SPG11: variants seen among roughly 807,000 people sequenced by gnomAD.
The protein encoded by SPG11 is SPG11 vesicle trafficking associated, spatacsin, also known as spatacsin.
In SPG11, 222 loss-of-function variants were observed where a neutral mutation model predicts 274.0. The observed-to-expected ratio is 0.81, with a 90% CI of 0.73 to 0.91. SPG11 has a LOEUF of 0.91. SPG11 is among the 40% of genes least tolerant of loss of function. The probability of loss-of-function intolerance (pLI) is 0.00; values close to 1 mark genes in which losing one functional copy is unlikely to be tolerated. For missense variants in SPG11, 3,114 were observed against 2,872.7 expected, an observed-to-expected ratio of 1.08 and a Z score of -1.92; for synonymous variants, 1,144 against 1,039.7, an observed-to-expected ratio of 1.10 and a Z score of -1.93.
At chr15:44,611,092 A>T (rs2083448684) in intron 17 of SPG11, 107 bp from the exon 18 acceptor site, 4 of 61,550 alleles carry the variant, frequency 6.5e-5, no homozygotes, top group Non-Finnish European at 1.1e-4. Context: ...TATCCCCAGT[A>T]AAAAAAAAAA....
At chr15:44,603,200 A>T (rs978081501) in intron 20 of SPG11, among the ~76,000 whole-genome samples, 9 of 152,000 alleles carry the variant, frequency 5.9e-5, no homozygotes, top group South Asian at 2.1e-4. Context: ...AGGCACACAC[A>T]ACTATGCCTG....
At chr15:44,594,241 A>G (rs1472943411) in intron 26 of SPG11, among the ~76,000 whole-genome samples, 3 of 151,210 alleles carry the variant, frequency 2.0e-5, no homozygotes, top group African/African-American at 4.9e-5. Flanking sequence ...CCTGGCCAAC[A>G]TGGTGAAACC....
intron 7 of SPG11, among the ~76,000 whole-genome samples, chr15:44,643,621 G>C (rs2084521035): frequency 6.6e-6 from 1 of 151,998 alleles, no homozygotes; most frequent in African/African-American, 2.4e-5. Context: ...ATTAGGCAAT[G>C]CTTTCTCAGA....
chr15:44,651,638 C>T lies in SPG11; in HGVS notation c.1309G>A (p.Ala437Thr). ...CTTTCCACTTCCCAAGTAAACAGTG[C>T]AGTGAATCCTGTCACAGACACACAT... ...LKCVSVTGFT[A>T]LFTWEVERMG... The change falls in exon 6 of 40, where the codon GCA becomes ACA. Residue 437 changes from alanine (A) to threonine (T), a missense_variant. Ala to Thr is a moderately conservative substitution (Grantham distance 58, BLOSUM62 0). Coordinates refer to ENST00000261866, the MANE Select transcript of SPG11 (RefSeq NM_025137.4). 1 of 1,614,226 alleles carries T rather than the reference C, an allele frequency of 6.2e-7. No individual in the cohort carries two copies. Among genetic ancestry groups the T allele is most frequent in the Non-Finnish European group, 8.5e-7 (1 of 1,180,038 alleles).
rs35831490 is a variant in SPG11 at position 44,611,091 on chromosome 15, T to TAAAAAAAAAAAAAAAAAAAAAAAAA, written c.3146-131_3146-107dup. 4.3e-5 allele frequency: 3 copies of TAAAAAAAAAAAAAAAAAAAAAAAAA among 70,098 alleles called. 1 individual carries two copies. Among genetic ancestry groups the TAAAAAAAAAAAAAAAAAAAAAAAAA allele is most frequent in the African/African-American group, 6.8e-5 (1 of 14,738 alleles). The allele number at this position is 70,098 out of a possible 1,614,324, so 4.3% of individuals were successfully genotyped here. On this transcript the variant is annotated intron_variant, in intron 17 of 39. Transcript: ENST00000261866. ...CATAAATTTTTAACTCTATCCCCAG[T>TAAAAAAAAAAAAAAAAAAAAAAAAA]AAAAAAAAAAAAAAAAAAAAAAAAA... is the stretch of plus-strand genomic sequence containing the variant.
intron 28 of SPG11, among the ~76,000 whole-genome samples, chr15:44,586,371 C>T (rs187000873): frequency 2.0e-5 from 3 of 152,108 alleles, no homozygotes; most frequent in Non-Finnish European, 4.4e-5. Context: ...AATGGCTAGG[C>T]GTAGTGGCTC....
At chr15:44,572,213 A>G (rs2082438381) in intron 33 of SPG11, among the ~76,000 whole-genome samples, 1 of 152,270 alleles carries the variant, frequency 6.6e-6, no homozygotes, top group African/African-American at 2.4e-5. Context: ...TAAAAAAATT[A>G]TAAACTATAC....
rs2140946907 is a variant in SPG11 at position 44,584,188 on chromosome 15, T to C, written c.5492A>G (p.Glu1831Gly). Residue 1831 changes from glutamate (E) to glycine (G), a missense_variant, in exon 30 of 40, where the codon GAA becomes GGA. Transcript: ENST00000261866. ...RFSRQISTSG[E>G]LSFDSLASEF... ...ACTGGCTAAACTATCAAAGGAAAGTTCACCACTAGTTGAGATCTGTCGAGA... is the reference window on the plus strand; with the variant it reads ...ACTGGCTAAACTATCAAAGGAAAGTCCACCACTAGTTGAGATCTGTCGAGA... 1 of 1,614,204 alleles carries C rather than the reference T, an allele frequency of 6.2e-7. No homozygotes were observed.
chr15:44,572,178 T>C (rs936108629), intron 33 of SPG11, among the ~76,000 whole-genome samples: 2 of 152,194 alleles, frequency 1.3e-5, no homozygotes, highest in East Asian at 3.8e-4. Flanking sequence ...CCATGAAAAA[T>C]GTTAATGACA....
intron 33 of SPG11, among the ~76,000 whole-genome samples, chr15:44,571,908 C>T (rs1279232936): frequency 6.6e-6 from 1 of 152,220 alleles, no homozygotes; most frequent in African/African-American, 2.4e-5. Flanking sequence ...CCTCCCACCT[C>T]AGCCTCTCAA....
intron 7 of SPG11, among the ~76,000 whole-genome samples, chr15:44,639,569 G>A (rs1333570565): frequency 6.6e-6 from 1 of 151,992 alleles, no homozygotes; most frequent in African/African-American, 2.4e-5. Context: ...TGGGTGTGGT[G>A]GTGTGCAACC....
At chr15:44,643,940 G>C (rs1013971036) in intron 7 of SPG11, among the ~76,000 whole-genome samples, 1 of 152,004 alleles carries the variant, frequency 6.6e-6, no homozygotes, top group Non-Finnish European at 1.5e-5. Flanking sequence ...GAGGCAGGCC[G>C]ATCAAGAGGT....
chr15:44,616,337 C>T (rs1306809740), intron 15 of SPG11, among the ~76,000 whole-genome samples: 4 of 151,754 alleles, frequency 2.6e-5, no homozygotes, highest in African/African-American at 9.7e-5. Context: ...ATCTGAGTAG[C>T]TGGGACGACA....
chr15:44,659,359 A>T, intron 2 of SPG11, 56 bp from the exon 3 acceptor site: 1 of 1,439,880 alleles, frequency 6.9e-7, no homozygotes, highest in South Asian at 1.2e-5. Flanking sequence ...TACAACTGGT[A>T]CATTTGATTT....
chr15:44,580,251 AG>A (rs2082632724), intron 30 of SPG11, among the ~76,000 whole-genome samples: 2 of 152,220 alleles, frequency 1.3e-5, no homozygotes, highest in South Asian at 4.1e-4. Context: ...CTTGTAGCCC[AG>A]GATCGGTAGG....
In SPG11 at chr15:44,615,528, T is replaced by TCA; in HGVS notation, c.2871_2872dup (p.Glu958ValfsTer6). ...ACGGCTCAGTCTTAGGAGGAAGCATTCAAAGTCTTCCAGTTCAGATGCCAA... is the reference window on the plus strand; with the variant it reads ...ACGGCTCAGTCTTAGGAGGAAGCATTCACAAAGTCTTCCAGTTCAGATGCCAA... On this transcript the variant is annotated frameshift_variant, in exon 16 of 40. Coordinates refer to ENST00000261866, the MANE Select transcript of SPG11 (RefSeq NM_025137.4). LOFTEE classifies it high-confidence loss of function. 1 of 1,614,116 alleles carries TCA rather than the reference T, an allele frequency of 6.2e-7. No homozygotes were observed. Among genetic ancestry groups the TCA allele is most frequent in the Non-Finnish European group, 8.5e-7 (1 of 1,180,000 alleles).
Position 44,584,486 on chromosome 15 carries a change from T to A in SPG11, c.5194A>T (p.Lys1732Ter), listed in dbSNP as rs752045008. ...SLKQARIDFW[K>*]KCHENFKKNS... ...TTCTTAAAATTCTCATGGCATTTTT[T>A]CCAGAAGTCAATTCTTGCTTGTTTT... Residue 1732 changes from lysine to a stop codon, truncating the protein, a stop_gained, in exon 30 of 40, where the codon AAA becomes TAA. Transcript: ENST00000261866. LOFTEE classifies it high-confidence loss of function. 1 of 1,614,186 alleles carries A rather than the reference T, an allele frequency of 6.2e-7. No individual in the cohort carries two copies. The highest frequency in any genetic ancestry group is 2.2e-5 in the East Asian group (1 of 44,894).
At chr15:44,649,107 A>G (rs1366552687) in intron 6 of SPG11, 96 bp from the exon 7 acceptor site, 1 of 857,228 alleles carries the variant, frequency 1.2e-6, no homozygotes, top group Non-Finnish European at 1.9e-6. Context: ...CTTCAGTACT[A>G]TAATTACAAA....
chr15:44,563,227 T>G lies in SPG11; in HGVS notation c.7226A>C (p.Tyr2409Ser), dbSNP rs1403367476. Residue 2409 changes from tyrosine to serine, a missense_variant, in exon 40 of 40, where the codon TAC (tyrosine) becomes TCC (serine). Physicochemically the swap from Tyr to Ser is moderately radical, Grantham distance 144. Coordinates refer to ENST00000261866, the MANE Select transcript of SPG11 (RefSeq NM_025137.4). ...TTCGTATGCCAACTTGTAATACAGG[T>G]AAACATCTTCACAATATGTGAGTAA... ...KKLLTYCEDV[Y>S]LYYKLAYEHK... The G allele has an allele frequency of 6.2e-7, 1 of 1,614,128 alleles. No homozygotes were observed.
Sources: allele counts gnomAD v4.1 joint callset (sites outside exome capture counted in the v4.1 genomes callset), GRCh38; gene constraint gnomAD v4.1.1; transcripts MANE v1.5; gene names NCBI Gene and HGNC (gene_info 2026-07-23, HGNC 2026-07-21).